ZNF79: variants seen among roughly 807,000 people sequenced by gnomAD.
The protein encoded by ZNF79 is ZNFpT7.
Under a neutral mutation model 14.9 loss-of-function variants are expected in ZNF79, and 13 were observed. That is an observed-to-expected ratio of 0.87 (90% CI 0.57 to 1.38). The LOEUF (loss-of-function observed/expected upper bound fraction) is 1.38, where lower values mean the gene tolerates loss of function less well. ZNF79 is among the 40% of genes most tolerant of loss of function. ZNF79 has a pLI of 0.00. For synonymous variants in ZNF79, 223 were observed against 235.1 expected (o/e 0.95, Z 0.47); for missense variants, 631 against 630.6 (o/e 1.00, Z -0.01).
At chr9:127,443,407 A>C (rs2131963909) in intron 4 of ZNF79, among the ~76,000 whole-genome samples, 2 of 152,252 alleles carry the variant, frequency 1.3e-5, no homozygotes, top group African/African-American at 4.8e-5. Flanking sequence ...ACTCTGTCTC[A>C]ATTAAAAATA....
rs773508388 is a variant in ZNF79, at chr9:127,444,442, C to G, written c.742C>G (p.Pro248Ala). ...CCAGAGGATTCACACTGGAGAGAAGCCTTACAAGTGCAGTGAATGTGGAAG... is the reference window on the plus strand; with the variant it reads ...CCAGAGGATTCACACTGGAGAGAAGGCTTACAAGTGCAGTGAATGTGGAAG... ...QHQRIHTGEK[P>A]YKCSECGRAF... The change falls in exon 5 of 5, where the codon CCT becomes GCT. Residue 248 changes from proline (P) to alanine (A), a missense_variant. Pro to Ala is a conservative substitution (Grantham distance 27, BLOSUM62 -1). Coordinates refer to ENST00000342483, the MANE Select transcript of ZNF79 (RefSeq NM_007135.3). 7 of 1,613,626 alleles carry G rather than the reference C, an allele frequency of 4.3e-6. No homozygotes were observed. Among genetic ancestry groups the G allele is most frequent in the Non-Finnish European group, 5.9e-6 (7 of 1,179,836 alleles).
In ZNF79 at chr9:127,444,562, G is replaced by A; in HGVS notation, c.862G>A (p.Asp288Asn). The A allele has an allele frequency of 1.9e-6, 3 of 1,613,198 alleles. No homozygotes were observed. Among genetic ancestry groups the A allele is most frequent in the Non-Finnish European group, 2.5e-6 (3 of 1,179,760 alleles). ...CAGCGAGTGTGAGAAAGCCTTCAGT[G>A]ACTGCTCAGCTCTTGTTCAGCATCA... Reference protein sequence around the residue: ...RCSECEKAFSDCSALVQHQRI... With the variant: ...RCSECEKAFSNCSALVQHQRI... The change falls in exon 5 of 5, where the codon GAC (aspartate) becomes AAC (asparagine). Residue 288 changes from aspartate (D) to asparagine (N), a missense_variant. Coordinates refer to ENST00000342483, the MANE Select transcript of ZNF79 (RefSeq NM_007135.3).
At position 127,435,894 on chromosome 9, in the gene ZNF79, T is replaced by C. The variant is rs1833938445; in HGVS notation, c.233-14T>C. The C allele has an allele frequency of 1.2e-6, 2 of 1,612,958 alleles. No individual in the cohort carries two copies. Among genetic ancestry groups the C allele is most frequent in the Non-Finnish European group, 1.7e-6 (2 of 1,178,970 alleles). ...ACTTACAATTTCTAAAGCCTGTTTT[T>C]TCCCGTTGAATAGGACTTCCAGTTT... On this transcript the variant is annotated splice_polypyrimidine_tract_variant and intron_variant, in intron 3 of 4. Transcript: ENST00000342483.
At chr9:127,442,612 A>C (rs561547595) in intron 4 of ZNF79, among the ~76,000 whole-genome samples, 59 of 151,768 alleles carry the variant, frequency 3.9e-4, no homozygotes, top group African/African-American at 1.4e-3. Context: ...TACTTTACAC[A>C]TTTTTCTTTG....
At position 127,444,815 on chromosome 9, in the gene ZNF79, A is replaced by G. The variant is rs773054753; in HGVS notation, c.1115A>G (p.Gln372Arg). The change falls in exon 5 of 5, where the codon CAG (glutamine) becomes CGG (arginine). Residue 372 changes from glutamine to arginine, a missense_variant. Gln to Arg is a conservative substitution (Grantham distance 43). Transcript: ENST00000342483. ...RCAACGKAFS[Q>R]SANLTNHQRT... ...GCCGCGTGTGGGAAGGCCTTCAGCC[A>G]GAGTGCAAACCTCACAAACCATCAG... 1 of 1,609,278 alleles carries G rather than the reference A, an allele frequency of 6.2e-7. No homozygotes were observed. The highest frequency in any genetic ancestry group is 8.5e-7 in the Non-Finnish European group (1 of 1,175,952).
At chr9:127,442,249 A>C (rs1265738409) in intron 4 of ZNF79, among the ~76,000 whole-genome samples, 1 of 150,394 alleles carries the variant, frequency 6.6e-6, no homozygotes, top group Non-Finnish European at 1.5e-5. Context: ...AAAAATACAA[A>C]AATTAGCCAG....
intron 2 of ZNF79, among the ~76,000 whole-genome samples, chr9:127,431,378 C>T (rs544091749): frequency 6.6e-6 from 1 of 152,046 alleles, no homozygotes; most frequent in South Asian, 2.1e-4. Flanking sequence ...CGTGCCTCAG[C>T]CTCCTGAGTA....
intron 1 of ZNF79, among the ~76,000 whole-genome samples, chr9:127,427,418 C>T (rs1279895642): frequency 7.5e-5 from 11 of 147,196 alleles, no homozygotes; most frequent in Admixed American, 4.1e-4. Flanking sequence ...AGCGAAACTC[C>T]GTCTCAAAAA....
At position 127,424,819 on chromosome 9, in the gene ZNF79, G is replaced by C; in HGVS notation, c.16+16G>C. The C allele has an allele frequency of 6.2e-7, 1 of 1,613,848 alleles. No individual in the cohort carries two copies. The highest frequency in any genetic ancestry group is 8.5e-7 in the Non-Finnish European group (1 of 1,179,950). On this transcript the variant is annotated intron_variant, in intron 1 of 4. Coordinates refer to ENST00000342483, the MANE Select transcript of ZNF79 (RefSeq NM_007135.3). ...GAGGAAGGAGGTGAGGAGTGGTAGA[G>C]GGAGCGATTGTCAAGAGATCGGCTG...
At chr9:127,428,617 A>G in intron 1 of ZNF79, 1 of 1,173,784 alleles carries the variant, frequency 8.5e-7, no homozygotes. Context: ...TGGATCATGG[A>G]TACTTGAGAG....
intron 4 of ZNF79, among the ~76,000 whole-genome samples, chr9:127,437,305 G>A (rs974820725): frequency 3.3e-5 from 5 of 150,216 alleles, no homozygotes; most frequent in African/African-American, 4.9e-5. Context: ...GTGGCAGGGA[G>A]CCTCCCTGGC....
intron 2 of ZNF79, among the ~76,000 whole-genome samples, chr9:127,429,877 C>CA (rs1833829921): frequency 6.7e-6 from 1 of 148,896 alleles, no homozygotes; most frequent in Non-Finnish European, 1.5e-5. Context: ...AGTGCAGTGT[C>CA]ACAATCTAGG....
At chr9:127,426,489 C>G (rs893264807) in intron 1 of ZNF79, among the ~76,000 whole-genome samples, 56 of 151,852 alleles carry the variant, frequency 3.7e-4, no homozygotes, top group African/African-American at 1.3e-3. Context: ...ATTCTCCTGC[C>G]TCAGCCTCCC....
At chr9:127,442,837 G>A (rs1040450991) in intron 4 of ZNF79, among the ~76,000 whole-genome samples, 5 of 152,088 alleles carry the variant, frequency 3.3e-5, no homozygotes, top group African/African-American at 1.2e-4. Flanking sequence ...GCTTCAGCCT[G>A]GGTGACAGTG....
rs767047970 is a variant in ZNF79 at position 127,428,866 on chromosome 9, G to A, written c.51G>A (p.Glu17=). The A allele has an allele frequency of 3.7e-6, 6 of 1,605,314 alleles. No homozygotes were observed. Among genetic ancestry groups the A allele is most frequent in the Non-Finnish European group, 5.1e-6 (6 of 1,175,376 alleles). Residue 17 remains glutamate (E), a synonymous_variant, in exon 2 of 5, where the codon GAG becomes GAA. Coordinates refer to ENST00000342483, the MANE Select transcript of ZNF79 (RefSeq NM_007135.3). ...CCCCAGGCCCTGCCCTTCCCCAAGA[G>A]GAAAACACAGGAGAGGAAGGAATGG... is the stretch of plus-strand genomic sequence containing the variant. ...LPSPGPALPQ[E]ENTGEEGMAA... is the part of the protein sequence containing the mutation.
At position 127,444,389 on chromosome 9, in the gene ZNF79, T is replaced by C; in HGVS notation, c.689T>C (p.Phe230Ser). The C allele has an allele frequency of 1.2e-6, 2 of 1,612,588 alleles. No homozygotes were observed. The highest frequency in any genetic ancestry group is 1.7e-6 in the Non-Finnish European group (2 of 1,178,760). The change falls in exon 5 of 5, where the codon TTC becomes TCC. Residue 230 changes from phenylalanine (F) to serine (S), a missense_variant. Physicochemically the swap from Phe to Ser is radical, Grantham distance 155. Transcript: ENST00000342483. The stretch of plus-strand genomic sequence containing the variant: ...GAGTGCAGTGAATGTGGGAAGGCCT[T>C]CAGCCAGAGCTCATCTCTCATTCAG... Reference protein sequence around the residue: ...PYECSECGKAFSQSSSLIQHQ... With the variant: ...PYECSECGKASSQSSSLIQHQ...
chr9:127,424,685 G>A lies in ZNF79; in HGVS notation c.-103G>A. ...AGGCTGGAGAGGAAGAGTCCGGCCTGGGAGCCGTCAGAGCAGCCCTGCAGA... is the reference window on the plus strand; with the variant it reads ...AGGCTGGAGAGGAAGAGTCCGGCCTAGGAGCCGTCAGAGCAGCCCTGCAGA... On this transcript the variant is annotated 5_prime_UTR_variant, in exon 1 of 5. Transcript: ENST00000342483. 1 of 1,568,930 alleles carries A rather than the reference G, an allele frequency of 6.4e-7. No homozygotes were observed. The highest frequency in any genetic ancestry group is 8.7e-7 in the Non-Finnish European group (1 of 1,147,866).
At position 127,444,892 on chromosome 9, in the gene ZNF79, T is replaced by C. The variant is rs2131967299; in HGVS notation, c.1192T>C (p.Phe398Leu). Residue 398 changes from phenylalanine to leucine, a missense_variant, in exon 5 of 5, where the codon TTC becomes CTC. Phe to Leu is a conservative substitution (Grantham distance 22). Transcript: ENST00000342483. ...CAAGTGCAGCGAGTGTGGGAAGGCC[T>C]TCAGCCAGAGTACCAATCTCATAAT... Reference protein sequence around the residue: ...PYKCSECGKAFSQSTNLIIHQ... With the variant: ...PYKCSECGKALSQSTNLIIHQ... The C allele has an allele frequency of 1.2e-6, 2 of 1,614,154 alleles. No individual in the cohort carries two copies. The highest frequency in any genetic ancestry group is 2.2e-5 in the South Asian group (2 of 91,088).
chr9:127,424,402 C>A lies in ZNF79; in HGVS notation c.-386C>A. The stretch of plus-strand genomic sequence containing the variant: ...GCGCCAATCAGGCGCGTCCCTCTGG[C>A]GCTGGAGCCAGGACCTGGCGTTGGG... On this transcript the variant is annotated 5_prime_UTR_variant, in exon 1 of 5. Coordinates refer to ENST00000342483, the MANE Select transcript of ZNF79 (RefSeq NM_007135.3). 9.8e-6 allele frequency: 2 copies of A among 203,084 alleles called. No individual in the cohort carries two copies. The highest frequency in any genetic ancestry group is 2.0e-5 in the Non-Finnish European group (2 of 98,122). The allele number at this position is 203,084 out of a possible 1,614,324, so 12.6% of individuals were successfully genotyped here.
Sources: gnomAD v4.1 joint callset for allele counts (sites outside exome capture counted in the v4.1 genomes callset) on GRCh38, gnomAD v4.1.1 for gene constraint, MANE v1.5 for transcripts, NCBI Gene and HGNC (gene_info 2026-07-23, HGNC 2026-07-21) for gene names.